MINK1: variants seen among roughly 807,000 people sequenced by gnomAD.
MINK1 encodes the protein misshapen-like kinase 1.
In MINK1, 46 loss-of-function variants were observed where a neutral mutation model predicts 178.4. That is an observed-to-expected ratio of 0.26 (90% confidence interval 0.20 to 0.33). The LOEUF (loss-of-function observed/expected upper bound fraction) is 0.33, where lower values mean the gene tolerates loss of function less well. MINK1 is among the 10% of genes least tolerant of loss of function. MINK1 has a pLI of 1.00. For synonymous variants in MINK1, 797 were observed against 709.7 expected (o/e 1.12, Z -1.96); for missense variants, 1,366 against 1,814.9 (o/e 0.75, Z 4.49).
intron 1 of MINK1, among the ~76,000 whole-genome samples, chr17:4,867,574 C>CGGAT (rs1203525371): frequency 1.3e-5 from 2 of 151,962 alleles, no homozygotes; most frequent in African/African-American, 4.8e-5. Context: ...CTAAGGTGGG[C>CGGAT]GGATCACCTG....
intron 1 of MINK1, among the ~76,000 whole-genome samples, chr17:4,854,573 G>T (rs1388562675): frequency 1.3e-5 from 2 of 152,194 alleles, no homozygotes; most frequent in Non-Finnish European, 2.9e-5. Context: ...CAGTGTGTGT[G>T]TGCATGCGTG....
intron 1 of MINK1, chr17:4,875,143 T>A (rs751193011): frequency 1.9e-6 from 1 of 520,060 alleles, no homozygotes; most frequent in South Asian, 1.4e-5. Context: ...GTTGGGGAGC[T>A]CTGTAGGGAA....
At chr17:4,891,217 CA>C in intron 15 of MINK1, 93 bp downstream of exon 15, 7 of 1,180,024 alleles carry the variant, frequency 5.9e-6, no homozygotes, top group South Asian at 3.2e-5. Context: ...CACACACACA[CA>C]CACACACCTG....
chr17:4,843,698 C>T (rs142643280), intron 1 of MINK1, among the ~76,000 whole-genome samples: 32 of 152,146 alleles, frequency 2.1e-4, no homozygotes, highest in African/African-American at 7.7e-4. Flanking sequence ...TCTCATTGTC[C>T]CTCACAAGAA....
At chr17:4,838,947 CT>C (rs149544017) in intron 1 of MINK1, among the ~76,000 whole-genome samples, 266 of 144,816 alleles carry the variant, frequency 1.8e-3, no homozygotes, top group Admixed American at 2.9e-3. Context: ...AGCCTAGACT[CT>C]TTTTTTTTTT....
intron 1 of MINK1, among the ~76,000 whole-genome samples, chr17:4,839,397 C>T (rs138363881): frequency 2.5e-3 from 376 of 152,288 alleles, no homozygotes; most frequent in Admixed American, 5.8e-3. Flanking sequence ...CCACTCCCTT[C>T]GACACCTACT....
rs575342987 is a variant in MINK1 at position 4,894,048 on chromosome 17, C to T, written c.2625C>T (p.Thr875=). ...TGGTCCACGACGTCGAGGAGATCAC[C>T]GGGACCCAGCCCCCATACGGGGGCG... ...TMVVHDVEEI[T]GTQPPYGGGT... is the part of the protein sequence containing the mutation. Residue 875 remains threonine, a synonymous_variant, in exon 22 of 32, where the codon ACC becomes ACT. Transcript: ENST00000355280. The surrounding 1 kb of genome is among the most constrained non-coding windows in gnomAD (Gnocchi z 4.1). The T allele has an allele frequency of 5.9e-5, 94 of 1,589,810 alleles. No homozygotes were observed. Among genetic ancestry groups the T allele is most frequent in the South Asian group, 2.6e-4 (23 of 88,890 alleles).
At chr17:4,892,331 G>A (rs1221000536) in intron 17 of MINK1, 71 bp from the exon 18 acceptor site, 18 of 1,468,660 alleles carry the variant, frequency 1.2e-5, no homozygotes, top group Non-Finnish European at 1.7e-5. Flanking sequence ...GCCTGGGGGT[G>A]GGAAAGCCCC....
At position 4,895,373 on chromosome 17, in the gene MINK1, G is replaced by C; in HGVS notation, c.3109G>C (p.Glu1037Gln). 1 of 1,608,258 alleles carries C rather than the reference G, an allele frequency of 6.2e-7. No individual in the cohort carries two copies. The highest frequency in any genetic ancestry group is 8.5e-7 in the Non-Finnish European group (1 of 1,176,230). ...AGGGGTCAACCTGCTGGTGGGCACG[G>C]AGAACGGGCTGATGTTGCTGGACCG... ...LWGVNLLVGT[E>Q]NGLMLLDRSG... Residue 1037 changes from glutamate to glutamine, a missense_variant, in exon 26 of 32, where the codon GAG becomes CAG. Transcript: ENST00000355280. This position sits in a 1 kb window ranked among gnomAD's most constrained non-coding sequence, Gnocchi z 4.3.
At chr17:4,844,001 G>T (rs978482185) in intron 1 of MINK1, among the ~76,000 whole-genome samples, 2 of 151,828 alleles carry the variant, frequency 1.3e-5, no homozygotes, top group Non-Finnish European at 2.9e-5. Context: ...CCTGTTTTTT[G>T]GTTTCTTTTT....
At position 4,896,789 on chromosome 17, in the gene MINK1, G is replaced by A. The variant is rs767169697; in HGVS notation, c.3891G>A (p.Lys1297=). 1 of 1,576,130 alleles carries A rather than the reference G, an allele frequency of 6.3e-7. No individual in the cohort carries two copies. Among genetic ancestry groups the A allele is most frequent in the Non-Finnish European group, 8.6e-7 (1 of 1,161,330 alleles). ...VFMHKRAQRL[K]FLCERNDKVF... ...TGCACAAACGAGCTCAGAGGCTCAA[G>A]TTCCTGTGTGAGCGGAATGACAAGG... The change falls in exon 31 of 32, where the codon AAG becomes AAA. Residue 1297 remains lysine (K), a synonymous_variant. Coordinates refer to ENST00000355280, the MANE Select transcript of MINK1 (RefSeq NM_153827.5). This position sits in a 1 kb window ranked among gnomAD's most constrained non-coding sequence, Gnocchi z 4.6.
intron 1 of MINK1, chr17:4,844,713 C>A: frequency 3.1e-6 from 1 of 327,804 alleles, no homozygotes; most frequent in Non-Finnish European, 5.9e-6. Context: ...ATGAAGAGGA[C>A]ATGCAGAAGA....
intron 1 of MINK1, among the ~76,000 whole-genome samples, chr17:4,862,742 A>G (rs1016693937): frequency 2.0e-5 from 3 of 151,626 alleles, no homozygotes; most frequent in African/African-American, 7.3e-5. Flanking sequence ...TAAAGTCAAG[A>G]CCCTTCTTGG....
intron 1 of MINK1, among the ~76,000 whole-genome samples, chr17:4,845,778 C>G (rs1910926509): frequency 2.0e-5 from 3 of 152,076 alleles, no homozygotes; most frequent in Non-Finnish European, 4.4e-5. Flanking sequence ...ATAGCTGGGA[C>G]TACAGGCATG....
At chr17:4,878,536 G>A (rs1017490014) in intron 2 of MINK1, among the ~76,000 whole-genome samples, 154 bp downstream of exon 2, 1 of 152,146 alleles carries the variant, frequency 6.6e-6, no homozygotes, top group African/African-American at 2.4e-5. Context: ...GGAGAGGAAA[G>A]AGCACCCAGA....
Position 4,833,502 on chromosome 17 carries a change from TG to T in MINK1, c.-77del. On this transcript the variant is annotated 5_prime_UTR_variant, in exon 1 of 32. It removes the in-frame stop codon of an upstream open reading frame in the 5' UTR. Coordinates refer to ENST00000355280, the MANE Select transcript of MINK1 (RefSeq NM_153827.5). This position sits in a 1 kb window ranked among gnomAD's most constrained non-coding sequence, Gnocchi z 4.8. The stretch of plus-strand genomic sequence containing the variant: ...GGAGTCCGCCCCCGGGGTTCTCCGA[TG>T]GGGGAGAAGCGGCGACGGCGGCAGT... 8.4e-7 allele frequency: 1 copy of T among 1,188,174 alleles called. No homozygotes were observed. 73.6% of individuals were successfully genotyped at this position (1,188,174 alleles called of 1,614,324 possible). A position where few individuals can be genotyped will look rare whatever the true frequency, so the allele number is the denominator to read the frequency against.
At position 4,891,715 on chromosome 17, in the gene MINK1, A is replaced by G. The variant is rs756301078; in HGVS notation, c.2000A>G (p.Lys667Arg). 1.2e-6 allele frequency: 2 copies of G among 1,600,712 alleles called. No individual in the cohort carries two copies. The highest frequency in any genetic ancestry group is 2.7e-5 in the African/African-American group (2 of 74,714). The change falls in exon 16 of 32, where the codon AAG becomes AGG. Residue 667 changes from lysine to arginine, a missense_variant and splice_region_variant. Physicochemically the swap from Lys to Arg is conservative, Grantham distance 26. Around this residue, in one of 14 missense-constraint regions of MINK1, gnomAD observed 709 missense variants for 692.3 expected, o/e 1.02. Coordinates refer to ENST00000355280, the MANE Select transcript of MINK1 (RefSeq NM_153827.5). Reference sequence around the variant, plus strand: ...CGCCCAGATAACGAGGCCCCACCCAAGGTAAGGACAGTTCTGCAGGCCCAG... The same window carrying G: ...CGCCCAGATAACGAGGCCCCACCCAGGGTAAGGACAGTTCTGCAGGCCCAG... The part of the protein sequence containing the change: ...WVRPDNEAPP[K>R]VPQRTSSIAT...
chr17:4,858,946 T>A (rs1440526725), intron 1 of MINK1, among the ~76,000 whole-genome samples: 1 of 152,144 alleles, frequency 6.6e-6, no homozygotes, highest in African/African-American at 2.4e-5. Flanking sequence ...TGACTCTGCC[T>A]TGTCCTCCCA....
At chr17:4,855,690 A>C (rs1166018501) in intron 1 of MINK1, among the ~76,000 whole-genome samples, 2 of 150,312 alleles carry the variant, frequency 1.3e-5, no homozygotes, top group African/African-American at 4.9e-5. Flanking sequence ...GAATGGCGTG[A>C]ACCTGGGAGG....
Sources: gnomAD v4.1 joint callset for allele counts (sites outside exome capture counted in the v4.1 genomes callset) on GRCh38, gnomAD v4.1.1 for gene constraint, gnomAD v4.1.1 regional missense constraint, Gnocchi (gnomAD v3.1) non-coding constraint, MANE v1.5 for transcripts, NCBI Gene and HGNC (gene_info 2026-07-23, HGNC 2026-07-21) for gene names.